RERE: variants seen among roughly 807,000 people sequenced by gnomAD.
RERE encodes arginine-glutamic acid dipeptide repeats.
RERE carries 40 observed loss-of-function variants against 146.1 expected under a neutral mutation model. The ratio of observed to expected loss-of-function variants is 0.27; its 90% CI spans 0.21 to 0.36. The LOEUF (loss-of-function observed/expected upper bound fraction) is 0.36. Ranked by LOEUF, RERE falls within the 10% of genes least tolerant of loss-of-function variation. The probability of loss-of-function intolerance (pLI) is 1.00; values close to 1 mark genes in which losing one functional copy is unlikely to be tolerated. For missense variants in RERE, 1,933 were observed against 2,138.7 expected (o/e 0.90, Z 1.90); for synonymous variants, 1,003 against 866.0 (o/e 1.16, Z -2.78).
At chr1:8,501,105 C>T (rs1645138781) in intron 8 of RERE, among the ~76,000 whole-genome samples, 1 of 146,574 alleles carries the variant, frequency 6.8e-6, no homozygotes, top group African/African-American at 2.5e-5. Context: ...TGCCCGGCCG[C>T]CCCTACTGGG....
At chr1:8,421,460 TTCTC>T (rs756308364) in intron 12 of RERE, among the ~76,000 whole-genome samples, 20 of 152,236 alleles carry the variant, frequency 1.3e-4, no homozygotes, top group African/African-American at 4.3e-4. Flanking sequence ...ATAAACAGGT[TTCTC>T]TCTCTCTGTT....
intron 1 of RERE, among the ~76,000 whole-genome samples, chr1:8,688,910 T>C (rs1639148519): frequency 6.6e-6 from 1 of 152,188 alleles, no homozygotes; most frequent in Admixed American, 6.5e-5. Flanking sequence ...CGACATGTAT[T>C]TTCAACTTAG....
chr1:8,654,044 G>C (rs948318617), intron 2 of RERE, among the ~76,000 whole-genome samples: 6 of 148,892 alleles, frequency 4.0e-5, no homozygotes, highest in Non-Finnish European at 7.4e-5. Context: ...TTTTTTTTGC[G>C]GGGGGGAGGG....
chr1:8,511,476 G>A (rs1347435637), intron 7 of RERE, among the ~76,000 whole-genome samples: 1 of 152,202 alleles, frequency 6.6e-6, no homozygotes, highest in African/African-American at 2.4e-5. Flanking sequence ...AGGATCTGAG[G>A]TGCAGACAAT....
At chr1:8,798,936 C>T (rs972196352) in intron 1 of RERE, among the ~76,000 whole-genome samples, 1 of 152,090 alleles carries the variant, frequency 6.6e-6, no homozygotes, top group East Asian at 1.9e-4. Context: ...AGGTGATCCA[C>T]CCGCCTCAGC....
intron 1 of RERE, among the ~76,000 whole-genome samples, chr1:8,671,953 A>G (rs1337565402): frequency 6.6e-6 from 1 of 152,076 alleles, no homozygotes; most frequent in Non-Finnish European, 1.5e-5. Context: ...CTGTAAGAGA[A>G]AGGGGAAAGC....
intron 1 of RERE, among the ~76,000 whole-genome samples, chr1:8,793,172 A>AG (rs1261783104): frequency 3.9e-4 from 58 of 148,202 alleles, no homozygotes; most frequent in East Asian, 4.0e-4. Flanking sequence ...AAAAAAAAAA[A>AG]AAAAAGAAAG....
intron 4 of RERE, among the ~76,000 whole-genome samples, chr1:8,593,981 T>G (rs1646525389): frequency 6.6e-6 from 1 of 152,198 alleles, no homozygotes; most frequent in African/African-American, 2.4e-5. Flanking sequence ...CACCTCATTT[T>G]ATATGAGAAC....
chr1:8,644,445 G>A (rs1440208525), intron 2 of RERE, among the ~76,000 whole-genome samples: 2 of 152,104 alleles, frequency 1.3e-5, no homozygotes, highest in Non-Finnish European at 2.9e-5. Flanking sequence ...CATTATGGGG[G>A]AAGCCTGTAA....
At chr1:8,520,632 T>TA (rs1645480823) in intron 7 of RERE, among the ~76,000 whole-genome samples, 1 of 150,940 alleles carries the variant, frequency 6.6e-6, no homozygotes, top group Middle Eastern at 3.4e-3. Context: ...GGCAACGTCA[T>TA]AAAACAACAT....
intron 4 of RERE, among the ~76,000 whole-genome samples, chr1:8,584,505 C>A (rs980363481): frequency 6.6e-6 from 1 of 152,160 alleles, no homozygotes; most frequent in Non-Finnish European, 1.5e-5. Flanking sequence ...TATGATCCTG[C>A]CACGGTATTC....
At position 8,423,857 on chromosome 1, in the gene RERE, G is replaced by A. The variant is rs539811174; in HGVS notation, c.1204-1050C>T. Among the ~76,000 whole-genome samples, 227 of 149,322 alleles carry A rather than the reference G, an allele frequency of 1.5e-3. 3 individuals are homozygous for A. Among genetic ancestry groups the A allele is most frequent in the South Asian group, 0.015 (70 of 4,818 alleles). On this transcript the variant is annotated intron_variant, in intron 11 of 22. Coordinates refer to ENST00000400908, the MANE Select transcript of RERE (RefSeq NM_001042681.2). The surrounding 1 kb of genome is among the most constrained non-coding windows in gnomAD (Gnocchi z 5.4). ...CGGCCTGGATTGCCGCCGCCCTCCT[G>A]TCCGCCAGCCGGGGCCCCGCGCCCC...
At chr1:8,659,941 T>C (rs944879200) in intron 1 of RERE, among the ~76,000 whole-genome samples, 2 of 152,060 alleles carry the variant, frequency 1.3e-5, no homozygotes, top group South Asian at 2.1e-4. Context: ...CAAGAAACAA[T>C]AAAGATGTCT....
At chr1:8,422,629 C>G in intron 12 of RERE, 98 bp downstream of exon 12, 1 of 887,270 alleles carries the variant, frequency 1.1e-6, no homozygotes, top group East Asian at 2.4e-5. Context: ...CTGAGCACAG[C>G]GCAGGGTTAA....
chr1:8,720,251 G>A (rs1397003778), intron 1 of RERE, among the ~76,000 whole-genome samples: 2 of 149,854 alleles, frequency 1.3e-5, no homozygotes, highest in African/African-American at 2.5e-5. Flanking sequence ...CCAGCCTGGC[G>A]GCAGCAAGAC....
chr1:8,514,786 A>AAAT lies in RERE; in HGVS notation c.831-6114_831-6112dup, dbSNP rs915416030. Among the ~76,000 whole-genome samples, 16 of 152,058 alleles carry AAAT rather than the reference A, an allele frequency of 1.1e-4. 1 individual carries two copies. Among genetic ancestry groups the AAAT allele is most frequent in the African/African-American group, 1.7e-4 (7 of 41,496 alleles). On this transcript the variant is annotated intron_variant, in intron 7 of 22. Coordinates refer to ENST00000400908, the MANE Select transcript of RERE (RefSeq NM_001042681.2). ...AAGACAAGACAAGAAAAGAAAAGAG[A>AAAT]AATAATAATAATAATAATGAGGTCC...
At chr1:8,369,522 AAAAAAAAAAAAAAAAG>A (rs1240035856) in intron 12 of RERE, among the ~76,000 whole-genome samples, 4 of 140,364 alleles carry the variant, frequency 2.8e-5, no homozygotes, top group Non-Finnish European at 5.9e-5. Flanking sequence ...AAAAAAAAAA[AAAAAAAAAAAAAAAAG>A]AAGAAAAGAA....
chr1:8,639,596 G>A (rs187573916), intron 2 of RERE, among the ~76,000 whole-genome samples: 1 of 152,160 alleles, frequency 6.6e-6, no homozygotes, highest in Non-Finnish European at 1.5e-5. Flanking sequence ...ATCTCCCCAA[G>A]TCTGAGTGCT....
chr1:8,556,765 A>C (rs543339300), intron 5 of RERE, among the ~76,000 whole-genome samples, 194 bp from the exon 6 acceptor site: 1 of 152,360 alleles, frequency 6.6e-6, no homozygotes, highest in East Asian at 1.9e-4. Context: ...GTTTTTGTCA[A>C]CAAAGTATCT....
Sources: allele counts gnomAD v4.1 joint callset (sites outside exome capture counted in the v4.1 genomes callset), GRCh38; gene constraint gnomAD v4.1.1; non-coding constraint Gnocchi (gnomAD v3.1); transcripts MANE v1.5; gene names NCBI Gene and HGNC (gene_info 2026-07-23, HGNC 2026-07-21).